The following CDH18 variants were observed in gnomAD, a reference collection of about 807,000 sequenced individuals.
CDH18 encodes the protein cadherin-18.
CDH18 carries 31 observed loss-of-function variants against 67.9 expected under a neutral mutation model. That is an observed-to-expected ratio of 0.46 (90% CI 0.34 to 0.62). CDH18 has a LOEUF of 0.62. Ranked by LOEUF, CDH18 falls within the 20% of genes least tolerant of loss-of-function variation. The probability of loss-of-function intolerance (pLI) is 0.01; values close to 1 mark genes in which losing one functional copy is unlikely to be tolerated. For synonymous variants in CDH18, 362 were observed against 347.2 expected, an observed-to-expected ratio of 1.04 and a Z score of -0.48; for missense variants, 890 against 975.5, an observed-to-expected ratio of 0.91 and a Z score of 1.17.
chr5:20,464,096 C>T (rs753344626), intron 1 of CDH18, among the ~76,000 whole-genome samples: 1 of 152,028 alleles, frequency 6.6e-6, no homozygotes, highest in Non-Finnish European at 1.5e-5. Flanking sequence ...TCTTACCTCT[C>T]CATAAAAATA....
intron 1 of CDH18, among the ~76,000 whole-genome samples, chr5:20,414,511 TTCA>T (rs1438325124): frequency 2.0e-5 from 3 of 152,166 alleles, no homozygotes; most frequent in Admixed American, 1.3e-4. Context: ...TATTATTATG[TTCA>T]CTCTCTCACT....
intron 2 of CDH18, among the ~76,000 whole-genome samples, chr5:20,246,137 G>A (rs2063232): frequency 0.7 from 106,653 of 152,074 alleles, 38,058 homozygotes; most frequent in African/African-American, 0.85. Context: ...ACTACTTACT[G>A]CACAGTTTGT....
At chr5:19,667,432 T>A (rs1417370150) in intron 5 of CDH18, among the ~76,000 whole-genome samples, 1 of 150,312 alleles carries the variant, frequency 6.7e-6, no homozygotes, top group African/African-American at 2.4e-5. Context: ...AAAACATATT[T>A]AAGCAATTTA....
At chr5:19,660,766 C>T (rs1561561124) in intron 5 of CDH18, among the ~76,000 whole-genome samples, 1 of 151,952 alleles carries the variant, frequency 6.6e-6, no homozygotes, top group Non-Finnish European at 1.5e-5. Context: ...GAGGCACTTG[C>T]ATCAGTGTAA....
intron 2 of CDH18, among the ~76,000 whole-genome samples, chr5:20,133,139 A>G (rs974080834): frequency 6.6e-6 from 1 of 152,160 alleles, no homozygotes; most frequent in Non-Finnish European, 1.5e-5. Flanking sequence ...ACTCATTTGT[A>G]TTACTTATCA....
intron 10 of CDH18, among the ~76,000 whole-genome samples, chr5:19,504,224 A>G (rs1561215397): frequency 6.6e-6 from 1 of 152,036 alleles, no homozygotes; most frequent in Non-Finnish European, 1.5e-5. Context: ...CAGTGAAGAA[A>G]GTACTTCAGG....
intron 3 of CDH18, among the ~76,000 whole-genome samples, chr5:19,787,369 T>G (rs1008635015): frequency 1.3e-5 from 2 of 151,960 alleles, no homozygotes; most frequent in Non-Finnish European, 2.9e-5. Flanking sequence ...GGAGAATCGC[T>G]TGAACCTGGG....
chr5:20,285,301 T>C (rs1019808255), intron 1 of CDH18, among the ~76,000 whole-genome samples: 5 of 150,876 alleles, frequency 3.3e-5, no homozygotes, highest in African/African-American at 9.7e-5. Flanking sequence ...TCAATGGTCA[T>C]GAATACCCAC....
At chr5:19,535,571 T>C (rs979567396) in intron 9 of CDH18, among the ~76,000 whole-genome samples, 8 of 152,188 alleles carry the variant, frequency 5.3e-5, no homozygotes, top group Non-Finnish European at 7.3e-5. Context: ...TAAATTTCAT[T>C]TCTATTATCT....
intron 5 of CDH18, among the ~76,000 whole-genome samples, chr5:19,666,919 G>C (rs966554363): frequency 6.6e-6 from 1 of 152,004 alleles, no homozygotes; most frequent in African/African-American, 2.4e-5. Flanking sequence ...TATATAAAGA[G>C]GACAAATGTA....
At chr5:20,172,226 A>ATATATATATG (rs1736860251) in intron 2 of CDH18, among the ~76,000 whole-genome samples, 82 of 105,798 alleles carry the variant, frequency 7.8e-4, no homozygotes, top group African/African-American at 2.0e-3. Context: ...ATATATATGT[A>ATATATATATG]TATATATATA....
intron 2 of CDH18, among the ~76,000 whole-genome samples, chr5:19,901,696 GA>G (rs1789953958): frequency 6.6e-6 from 1 of 151,830 alleles, no homozygotes; most frequent in Non-Finnish European, 1.5e-5. Flanking sequence ...TATAATATTA[GA>G]TGCAGATATT....
chr5:19,684,949 T>A (rs1473216493), intron 5 of CDH18, among the ~76,000 whole-genome samples: 1 of 151,908 alleles, frequency 6.6e-6, no homozygotes, highest in African/African-American at 2.4e-5. Flanking sequence ...GTCACATACT[T>A]TTTTATTCAT....
At chr5:20,451,207 A>G (rs922708918) in intron 1 of CDH18, among the ~76,000 whole-genome samples, 2 of 152,132 alleles carry the variant, frequency 1.3e-5, no homozygotes, top group African/African-American at 4.8e-5. Flanking sequence ...GTCTTTTTTC[A>G]TCAATGTTCC....
rs549271924 is a variant in CDH18, at chr5:20,351,606, C to A, written c.-579-96101G>T. On this transcript the variant is annotated intron_variant, in intron 1 of 14. Coordinates refer to the CDH18 transcript ENST00000507958. The stretch of plus-strand genomic sequence containing the variant: ...TAGCTGAAAATGTTTTTTTTTGGAC[C>A]AGCTGATGTAGGAAAATACAATTTT... Among the ~76,000 whole-genome samples the A allele has an allele frequency of 1.9e-3, 285 of 149,192 alleles. 1 individual carries two copies. Among genetic ancestry groups the A allele is most frequent in the African/African-American group, 6.4e-3 (263 of 40,846 alleles).
intron 8 of CDH18, among the ~76,000 whole-genome samples, chr5:19,570,144 C>T (rs1040715695): frequency 5.9e-5 from 9 of 151,958 alleles, no homozygotes; most frequent in African/African-American, 2.2e-4. Context: ...ATCATACTTA[C>T]TGTTTGGGGT....
At chr5:20,029,846 G>A (rs1478214563) in intron 2 of CDH18, among the ~76,000 whole-genome samples, 2 of 152,204 alleles carry the variant, frequency 1.3e-5, no homozygotes, top group Non-Finnish European at 2.9e-5. Context: ...GAGAGACTGA[G>A]TTTTCTGCTC....
At chr5:19,706,272 C>T (rs1763948585) in intron 5 of CDH18, among the ~76,000 whole-genome samples, 1 of 152,208 alleles carries the variant, frequency 6.6e-6, no homozygotes, top group Non-Finnish European at 1.5e-5. Flanking sequence ...TACACCTCTT[C>T]CAGGACTTTT....
chr5:19,890,716 T>C (rs1346582886), intron 2 of CDH18, among the ~76,000 whole-genome samples: 1 of 151,788 alleles, frequency 6.6e-6, no homozygotes, highest in East Asian at 1.9e-4. Context: ...TCCCTCAGCC[T>C]CCTGAGTAGT....
Sources: gnomAD v4.1 joint callset for allele counts (sites outside exome capture counted in the v4.1 genomes callset) on GRCh38, gnomAD v4.1.1 for gene constraint, MANE v1.5 for transcripts, NCBI Gene and HGNC (gene_info 2026-07-23, HGNC 2026-07-21) for gene names.